Variants in THSD4 observed in about 807,000 individuals in gnomAD.
THSD4 encodes the protein thrombospondin type 1 domain containing 4.
A neutral mutation model predicts 119.0 loss-of-function variants in THSD4; 69 were observed. That is an observed-to-expected ratio of 0.58 (90% CI 0.48 to 0.71). THSD4 has a LOEUF of 0.71. Ranked by LOEUF, THSD4 falls within the 30% of genes least tolerant of loss-of-function variation. THSD4 has a pLI of 0.00. For missense variants in THSD4, 1,393 were observed against 1,391.1 expected (o/e 1.00, Z -0.02); for synonymous variants, 524 against 540.4 (o/e 0.97, Z 0.42).
intron 8 of THSD4, among the ~76,000 whole-genome samples, chr15:71,679,360 T>A (rs1310776112): frequency 6.6e-6 from 1 of 152,170 alleles, no homozygotes; most frequent in East Asian, 1.9e-4. Flanking sequence ...TGCAGGCCAT[T>A]TGGCCTCTGT....
intron 7 of THSD4, among the ~76,000 whole-genome samples, chr15:71,472,117 A>G (rs1000909317): frequency 3.9e-5 from 6 of 151,974 alleles, no homozygotes; most frequent in African/African-American, 1.5e-4. Flanking sequence ...GGGCCTCCCT[A>G]TGTTTCCCAG....
intron 6 of THSD4, among the ~76,000 whole-genome samples, chr15:71,299,976 A>AAATATATATATATATATATAT (rs1555462049): frequency 3.1e-4 from 15 of 48,304 alleles, no homozygotes; most frequent in African/African-American, 1.2e-3. Flanking sequence ...AAAAAAAAAA[A>AAATATATATATATATATATAT]ATATATATAT....
At chr15:71,388,892 C>T (rs918843803) in intron 6 of THSD4, among the ~76,000 whole-genome samples, 1 of 151,976 alleles carries the variant, frequency 6.6e-6, no homozygotes, top group Admixed American at 6.6e-5. Context: ...GGAGGTGACC[C>T]GGTGGGAGAT....
intron 7 of THSD4, among the ~76,000 whole-genome samples, chr15:71,615,693 C>A (rs928158707): frequency 6.6e-6 from 1 of 152,108 alleles, no homozygotes; most frequent in African/African-American, 2.4e-5. Context: ...TGTATTCTGT[C>A]TTTTCCTGGA....
chr15:71,489,411 C>T (rs545322598), intron 7 of THSD4, among the ~76,000 whole-genome samples: 1 of 152,184 alleles, frequency 6.6e-6, no homozygotes, highest in Admixed American at 6.5e-5. Context: ...TTCTTACCCC[C>T]CAAATTGCAT....
At chr15:71,677,292 G>A (rs897448286) in intron 8 of THSD4, among the ~76,000 whole-genome samples, 1 of 152,214 alleles carries the variant, frequency 6.6e-6, no homozygotes, top group African/African-American at 2.4e-5. Context: ...CCTCGTCAAT[G>A]CTGGTAGATG....
At chr15:71,103,386 C>G (rs2040261434) in intron 1 of THSD4, among the ~76,000 whole-genome samples, 1 of 152,062 alleles carries the variant, frequency 6.6e-6, no homozygotes. Flanking sequence ...ACATGTGTAG[C>G]CTGGAGGTGA....
intron 7 of THSD4, among the ~76,000 whole-genome samples, chr15:71,594,072 A>G (rs995518258): frequency 3.3e-5 from 5 of 152,078 alleles, no homozygotes; most frequent in Non-Finnish European, 5.9e-5. Flanking sequence ...GAGCTGCACA[A>G]TGGTGCTGAA....
rs769630517 is a variant in THSD4 at position 71,777,550 on chromosome 15, A to G, written c.*176A>G. 6.3e-6 allele frequency: 5 copies of G among 788,930 alleles called. No homozygotes were observed. The highest frequency in any genetic ancestry group is 9.8e-6 in the Non-Finnish European group (5 of 508,876). The allele number at this position is 788,930 out of a possible 1,614,324, so 48.9% of individuals were successfully genotyped here. On this transcript the variant is annotated 3_prime_UTR_variant, in exon 18 of 18. Coordinates refer to ENST00000261862, the MANE Select transcript of THSD4 (RefSeq NM_024817.3). Reference sequence around the variant, plus strand: ...CGTGGTACCCAGGGGCTTTTTACACAAGATGTTTGAAAGCCACAGTCAGTC... The same window carrying G: ...CGTGGTACCCAGGGGCTTTTTACACGAGATGTTTGAAAGCCACAGTCAGTC...
At chr15:71,138,181 A>C (rs2040568214) in intron 1 of THSD4, among the ~76,000 whole-genome samples, 1 of 152,140 alleles carries the variant, frequency 6.6e-6, no homozygotes, top group Non-Finnish European at 1.5e-5. Flanking sequence ...GGAAACTTAC[A>C]ATCATGGTGG....
Position 71,329,786 on chromosome 15 carries a change from C to T in THSD4, c.1015+73071C>T, listed in dbSNP as rs147033308. On this transcript the variant is annotated intron_variant, in intron 6 of 17. Coordinates refer to ENST00000261862, the MANE Select transcript of THSD4 (RefSeq NM_024817.3). Reference sequence around the variant, plus strand: ...ATTGAAAATAACTCAGGCAGTGTTCCATTATTGCTATGGGCTGGGCGTGGT... The same window carrying T: ...ATTGAAAATAACTCAGGCAGTGTTCTATTATTGCTATGGGCTGGGCGTGGT... 4.1e-3 allele frequency among the ~76,000 whole-genome samples: 629 copies of T among 152,260 alleles called. 6 individuals are homozygous for T. The highest frequency in any genetic ancestry group is 0.014 in the African/African-American group (579 of 41,560).
intron 6 of THSD4, among the ~76,000 whole-genome samples, chr15:71,296,195 G>A (rs1371586347): frequency 6.6e-6 from 1 of 152,084 alleles, no homozygotes; most frequent in Non-Finnish European, 1.5e-5. Context: ...TGGGTCAAAT[G>A]GTAACTCTTA....
At chr15:71,238,070 G>GT (rs747179252) in intron 4 of THSD4, among the ~76,000 whole-genome samples, 67 of 152,088 alleles carry the variant, frequency 4.4e-4, no homozygotes, top group Admixed American at 2.8e-3. Flanking sequence ...TGGGGGCGGG[G>GT]TGGGGGTGTT....
chr15:71,290,285 C>T (rs1330297000), intron 6 of THSD4, among the ~76,000 whole-genome samples: 4 of 152,166 alleles, frequency 2.6e-5, no homozygotes, highest in Admixed American at 6.5e-5. Context: ...GGAGGTTCTG[C>T]GAGCTGCCTG....
chr15:71,759,883 G>T (rs1209232682), intron 15 of THSD4, among the ~76,000 whole-genome samples: 1 of 152,126 alleles, frequency 6.6e-6, no homozygotes, highest in African/African-American at 2.4e-5. Context: ...AGGATTTGTT[G>T]CCCTGTTGTC....
In THSD4 at chr15:71,410,474, C is replaced by T. The variant is rs141806681; in HGVS notation, c.1016-1213C>T. The stretch of plus-strand genomic sequence containing the variant: ...AGTGAGGGAAGGAACAGTTAAGCAA[C>T]GGCTAGAGAGAGGGAGTGCTTAGTT... On this transcript the variant is annotated intron_variant, in intron 6 of 17. Coordinates refer to ENST00000261862, the MANE Select transcript of THSD4 (RefSeq NM_024817.3). Among the ~76,000 whole-genome samples, 14 of 152,160 alleles carry T rather than the reference C, an allele frequency of 9.2e-5. 1 individual carries two copies. The highest frequency in any genetic ancestry group is 3.9e-4 in the Admixed American group (6 of 15,294).
chr15:71,382,011 G>A (rs1349887972), intron 6 of THSD4, among the ~76,000 whole-genome samples: 2 of 152,086 alleles, frequency 1.3e-5, no homozygotes, highest in African/African-American at 4.8e-5. Context: ...ATTTAGATTT[G>A]ATTTGGGGAA....
At chr15:71,567,498 A>G (rs762077975) in intron 7 of THSD4, among the ~76,000 whole-genome samples, 1 of 152,092 alleles carries the variant, frequency 6.6e-6, no homozygotes, top group Non-Finnish European at 1.5e-5. Context: ...AAGCAGGCAT[A>G]TTTGTCCACC....
intron 3 of THSD4, among the ~76,000 whole-genome samples, chr15:71,174,984 T>C (rs2141412832): frequency 6.7e-6 from 1 of 149,768 alleles, no homozygotes; most frequent in South Asian, 2.2e-4. Context: ...AAAACCCATC[T>C]GTACATCACC....
Sources: allele counts gnomAD v4.1 joint callset (sites outside exome capture counted in the v4.1 genomes callset), GRCh38; gene constraint gnomAD v4.1.1; transcripts MANE v1.5; gene names NCBI Gene and HGNC (gene_info 2026-07-23, HGNC 2026-07-21).